The following SCN8A variants were observed in gnomAD, a reference collection of about 807,000 sequenced individuals.
The protein encoded by SCN8A is sodium voltage-gated channel alpha subunit 8, also known as sodium channel protein type 8 subunit alpha.
A neutral mutation model predicts 184.1 loss-of-function variants in SCN8A; 30 were observed. The observed-to-expected ratio is 0.16, with a 90% confidence interval of 0.12 to 0.22. The LOEUF (loss-of-function observed/expected upper bound fraction) is 0.22. Among genes scored for constraint, SCN8A ranks in the 10% least tolerant of loss-of-function variants. SCN8A has a pLI of 1.00. For synonymous variants in SCN8A, 852 were observed against 907.0 expected, an observed-to-expected ratio of 0.94 and a Z score of 1.09; for missense variants, 1,057 against 2,498.9, an observed-to-expected ratio of 0.42 and a Z score of 12.30.
At chr12:51,781,346 C>T (rs751700966) in intron 21 of SCN8A, among the ~76,000 whole-genome samples, 3 of 152,124 alleles carry the variant, frequency 2.0e-5, no homozygotes, top group Non-Finnish European at 4.4e-5. Flanking sequence ...TGTTCTCAGC[C>T]CAGTCCCAAA....
intron 1 of SCN8A, among the ~76,000 whole-genome samples, chr12:51,648,651 G>A (rs1002131155): frequency 6.6e-5 from 10 of 152,252 alleles, no homozygotes; most frequent in African/African-American, 1.7e-4. Flanking sequence ...ACTAGATCTC[G>A]TGAGACTTAT....
intron 13 of SCN8A, among the ~76,000 whole-genome samples, 194 bp from the exon 14 acceptor site, chr12:51,751,161 A>G (rs1942588303): frequency 6.6e-6 from 1 of 152,202 alleles, no homozygotes; most frequent in Non-Finnish European, 1.5e-5. Flanking sequence ...CTAGATCATT[A>G]TTAACAGGGA....
In SCN8A at chr12:51,808,794, G is replaced by A. The variant is rs1001438322; in HGVS notation, c.*1365G>A. 1.3e-5 allele frequency: 2 copies of A among 152,140 alleles called. No individual in the cohort carries two copies. The highest frequency in any genetic ancestry group is 3.9e-4 in the East Asian group (2 of 5,194). 9.4% of individuals were successfully genotyped at this position (152,140 alleles called of 1,614,324 possible). A position where few individuals can be genotyped will look rare whatever the true frequency, so the allele number is the denominator to read the frequency against. ...AACTGACCTCTCTCTTCTGCAGAGGGGTCATCGCATACTCACACACTGCAT... is the reference window on the plus strand; with the variant it reads ...AACTGACCTCTCTCTTCTGCAGAGGAGTCATCGCATACTCACACACTGCAT... On this transcript the variant is annotated 3_prime_UTR_variant, in exon 27 of 27. Transcript: ENST00000627620.
chr12:51,723,965 G>A (rs1227165797), intron 12 of SCN8A, among the ~76,000 whole-genome samples: 1 of 152,154 alleles, frequency 6.6e-6, no homozygotes, highest in Non-Finnish European at 1.5e-5. Context: ...CACTGATAGA[G>A]CCAGAATCTC....
intron 13 of SCN8A, 86 bp downstream of exon 13, chr12:51,746,121 G>T: frequency 7.7e-7 from 1 of 1,292,574 alleles, no homozygotes; most frequent in Non-Finnish European, 1.0e-6. Flanking sequence ...CTTGGTCTGA[G>T]TTTTGCAAAG....
At position 51,702,411 on chromosome 12, in the gene SCN8A, A is replaced by G. The variant is rs74348247; in HGVS notation, c.993-362A>G. On this transcript the variant is annotated intron_variant, in intron 8 of 26. Coordinates refer to ENST00000627620, the MANE Select transcript of SCN8A (RefSeq NM_001330260.2). ...AAATTTGATTGAATTGCACATTGAT[A>G]TGAATCTAGAACAGTACTTCTCACA... Among the ~76,000 whole-genome samples the G allele has an allele frequency of 7.9e-3, 1,202 of 152,092 alleles. 9 individuals are homozygous for G. The highest frequency in any genetic ancestry group is 0.027 in the African/African-American group (1,108 of 41,504).
chr12:51,686,468 C>T lies in SCN8A; in HGVS notation c.485+11C>T, dbSNP rs755959579. ...GTCGAAGAATGTGGAGTAAGTAACT[C>T]ATTTATGTGTGTGCTTGTTTGTTTT... On this transcript the variant is annotated intron_variant, in intron 4 of 26. Coordinates refer to ENST00000627620, the MANE Select transcript of SCN8A (RefSeq NM_001330260.2). 6.6e-7 allele frequency: 1 copy of T among 1,524,972 alleles called. No individual in the cohort carries two copies. Among genetic ancestry groups the T allele is most frequent in the South Asian group, 1.1e-5 (1 of 88,796 alleles). 94.5% of individuals were successfully genotyped at this position (1,524,972 alleles called of 1,614,324 possible).
At chr12:51,644,350 C>T (rs1940516654) in intron 1 of SCN8A, among the ~76,000 whole-genome samples, 1 of 152,136 alleles carries the variant, frequency 6.6e-6, no homozygotes, top group Admixed American at 6.5e-5. Flanking sequence ...CTCTTTATGC[C>T]TCAGTTTTCT....
chr12:51,737,596 T>C (rs1292742476), intron 12 of SCN8A, among the ~76,000 whole-genome samples: 1 of 152,238 alleles, frequency 6.6e-6, no homozygotes, highest in Non-Finnish European at 1.5e-5. Flanking sequence ...TGGTTACTTT[T>C]TGTGGCACAA....
chr12:51,773,278 C>A (rs969356150), intron 19 of SCN8A, among the ~76,000 whole-genome samples: 1 of 152,218 alleles, frequency 6.6e-6, no homozygotes, highest in African/African-American at 2.4e-5. Flanking sequence ...ACAGGTTGTC[C>A]TATGCTTTAG....
intron 26 of SCN8A, among the ~76,000 whole-genome samples, chr12:51,802,356 G>A (rs967575918): frequency 6.6e-6 from 1 of 152,170 alleles, no homozygotes; most frequent in Non-Finnish European, 1.5e-5. Context: ...GGCAAAAAAG[G>A]CTGTCAGAGT....
intron 12 of SCN8A, among the ~76,000 whole-genome samples, chr12:51,739,707 C>A (rs189959362): frequency 6.0e-4 from 92 of 152,294 alleles, no homozygotes; most frequent in African/African-American, 2.0e-3. Flanking sequence ...CCAAGCATCG[C>A]TTCAGCAACC....
rs1400502594 is a variant in SCN8A, at chr12:51,810,548, TATAA to T, written c.*3123_*3126del. 4 of 170,854 alleles carry T rather than the reference TATAA, an allele frequency of 2.3e-5. No homozygotes were observed. The highest frequency in any genetic ancestry group is 7.3e-5 in the African/African-American group (3 of 41,126). The allele number at this position is 170,854 out of a possible 1,614,324, so 10.6% of individuals were successfully genotyped here. ...TATATATATAGATATATAAATATAATATAAATATTTATTTTTTGTAGCCAGGTCC... is the reference window on the plus strand; with the variant it reads ...TATATATATAGATATATAAATATAATATATTTATTTTTTGTAGCCAGGTCC... On this transcript the variant is annotated 3_prime_UTR_variant, in exon 27 of 27. Coordinates refer to ENST00000627620, the MANE Select transcript of SCN8A (RefSeq NM_001330260.2).
At position 51,652,981 on chromosome 12, in the gene SCN8A, T is replaced by C. The variant is rs971372620; in HGVS notation, c.-54-9783T>C. Among the ~76,000 whole-genome samples, 7 of 152,300 alleles carry C rather than the reference T, an allele frequency of 4.6e-5. No individual in the cohort carries two copies. In the East Asian group the frequency reaches 1.3e-3, roughly 29 times the overall value. ...ATTTTTTTCTCTCTTTTAAAAAAGA[T>C]TGTAGTAAAATATCCATAACATTTA... On this transcript the variant is annotated intron_variant, in intron 1 of 26. Transcript: ENST00000627620.
intron 16 of SCN8A, 149 bp from the exon 17 acceptor site, chr12:51,768,716 G>A: frequency 1.7e-6 from 1 of 581,552 alleles, no homozygotes; most frequent in Non-Finnish European, 2.9e-6. Context: ...CTGGTAACAT[G>A]AGCATTAAAA....
chr12:51,751,605 C>T lies in SCN8A; in HGVS notation c.2370+12C>T, dbSNP rs762390038. Reference sequence around the variant, plus strand: ...CTGTAGGAAATCTGGTAAGATGGAACACTGTCTCCCGATATTAGGATTGGA... The same window carrying T: ...CTGTAGGAAATCTGGTAAGATGGAATACTGTCTCCCGATATTAGGATTGGA... On this transcript the variant is annotated intron_variant, in intron 14 of 26. Transcript: ENST00000627620. 2 of 1,562,094 alleles carry T rather than the reference C, an allele frequency of 1.3e-6. No individual in the cohort carries two copies. Among genetic ancestry groups the T allele is most frequent in the Non-Finnish European group, 1.8e-6 (2 of 1,133,092 alleles).
At chr12:51,623,086 T>C (rs1939998306) in intron 1 of SCN8A, among the ~76,000 whole-genome samples, 1 of 152,170 alleles carries the variant, frequency 6.6e-6, no homozygotes, top group Non-Finnish European at 1.5e-5. Context: ...TTTTTAGAAT[T>C]AGAAGATGTT....
intron 1 of SCN8A, among the ~76,000 whole-genome samples, chr12:51,601,917 C>T (rs889357560): frequency 7.2e-6 from 1 of 139,200 alleles, no homozygotes; most frequent in Non-Finnish European, 1.5e-5. Context: ...CAATCTGTTG[C>T]AAAATCTCAA....
intron 11 of SCN8A, among the ~76,000 whole-genome samples, chr12:51,718,966 G>T (rs1565898590): frequency 1.3e-5 from 2 of 150,954 alleles, no homozygotes; most frequent in Non-Finnish European, 3.0e-5. Context: ...AATAAAATTG[G>T]AAAAAGACTT....
Sources: gnomAD v4.1 joint callset for allele counts (sites outside exome capture counted in the v4.1 genomes callset) on GRCh38, gnomAD v4.1.1 for gene constraint, MANE v1.5 for transcripts, NCBI Gene and HGNC (gene_info 2026-07-23, HGNC 2026-07-21) for gene names.